The following PLPP3 variants were observed in gnomAD, a reference collection of about 807,000 sequenced individuals.
PLPP3 encodes phospholipid phosphatase 3.
In PLPP3, 6 loss-of-function variants were observed where a neutral mutation model predicts 29.6. The ratio of observed to expected loss-of-function variants is 0.20; its 90% CI spans 0.11 to 0.40. The LOEUF (loss-of-function observed/expected upper bound fraction) is 0.40, where lower values mean the gene tolerates loss of function less well. Among genes scored for constraint, PLPP3 ranks in the 10% least tolerant of loss-of-function variants. PLPP3 has a pLI of 1.00. For synonymous variants in PLPP3, 152 were observed against 159.7 expected, an observed-to-expected ratio of 0.95 and a Z score of 0.36; for missense variants, 308 against 407.7, an observed-to-expected ratio of 0.76 and a Z score of 2.11.
intron 1 of PLPP3, among the ~76,000 whole-genome samples, chr1:56,574,475 G>A (rs775790282): frequency 5.3e-5 from 8 of 151,976 alleles, no homozygotes; most frequent in African/African-American, 1.2e-4. Flanking sequence ...AGCTGATCTC[G>A]AACTCCTTAG....
intron 2 of PLPP3, among the ~76,000 whole-genome samples, chr1:56,526,559 T>C (rs1205180375): frequency 6.6e-6 from 1 of 152,188 alleles, no homozygotes; most frequent in Non-Finnish European, 1.5e-5. Flanking sequence ...TCTCTTAATC[T>C]TTTTTATTCT....
intron 1 of PLPP3, among the ~76,000 whole-genome samples, chr1:56,578,354 G>A (rs891038346): frequency 1.3e-5 from 2 of 152,186 alleles, no homozygotes; most frequent in African/African-American, 4.8e-5. Flanking sequence ...CAGGAGAGGA[G>A]CAAGTGAAAA....
intron 1 of PLPP3, chr1:56,538,466 G>A: frequency 2.2e-6 from 1 of 449,650 alleles, no homozygotes; most frequent in Non-Finnish European, 4.4e-6. Context: ...CAAACACAAA[G>A]GGAAAGAGGA....
At position 56,579,206 on chromosome 1, in the gene PLPP3, G is replaced by A; in HGVS notation, c.-190C>T. ...CCAACTGCAGAAGGTGGTGTTTTCT[G>A]CTCCTCCTGCGCGCCTCTGCTTTCC... On this transcript the variant is annotated 5_prime_UTR_variant, in exon 1 of 6. Transcript: ENST00000371250. 2 of 633,318 alleles carry A rather than the reference G, an allele frequency of 3.2e-6. No individual in the cohort carries two copies. Among genetic ancestry groups the A allele is most frequent in the Non-Finnish European group, 5.1e-6 (2 of 392,850 alleles). 39.2% of individuals were successfully genotyped at this position (633,318 alleles called of 1,614,324 possible).
intron 1 of PLPP3, among the ~76,000 whole-genome samples, chr1:56,543,850 G>GT (rs1645985360): frequency 6.6e-6 from 1 of 152,176 alleles, no homozygotes; most frequent in East Asian, 1.9e-4. Flanking sequence ...AAAGAAGACT[G>GT]TTGGAACCAA....
chr1:56,496,642 G>T lies in PLPP3; in HGVS notation c.845C>A (p.Thr282Lys), dbSNP rs17850456. 1.6e-5 allele frequency: 26 copies of T among 1,613,654 alleles called. No homozygotes were observed. The highest frequency in any genetic ancestry group is 2.1e-5 in the Non-Finnish European group (25 of 1,179,842). ...AGCAGGGGCAGGCAGGGAGAGCGTC[G>T]TCTTAGTCTTGAAGAGGTCAGACAC... ...FFVSDLFKTK[T>K]TLSLPAPAIR... Residue 282 changes from threonine (T) to lysine (K), a missense_variant, in exon 6 of 6, where the codon ACG (threonine) becomes AAG (lysine). Thr to Lys is a moderately conservative substitution (Grantham distance 78, BLOSUM62 -1). Coordinates refer to ENST00000371250, the MANE Select transcript of PLPP3 (RefSeq NM_003713.5).
intron 5 of PLPP3, among the ~76,000 whole-genome samples, chr1:56,503,386 A>T (rs958207408): frequency 6.6e-6 from 1 of 152,136 alleles, no homozygotes; most frequent in Non-Finnish European, 1.5e-5. Flanking sequence ...TTGTGTGGAA[A>T]TGTTATTTTT....
intron 1 of PLPP3, 103 bp from the exon 2 acceptor site, chr1:56,537,215 T>C: frequency 8.0e-7 from 1 of 1,256,650 alleles, no homozygotes; most frequent in Non-Finnish European, 1.1e-6. Context: ...CCATCCCAAA[T>C]ATCACTGAGA....
At chr1:56,506,439 A>C (rs928354745) in intron 5 of PLPP3, among the ~76,000 whole-genome samples, 2 of 152,160 alleles carry the variant, frequency 1.3e-5, no homozygotes, top group Admixed American at 6.5e-5. Context: ...CATCTGGAGG[A>C]AGATAGCAGC....
chr1:56,550,789 A>G (rs1646032888), intron 1 of PLPP3, among the ~76,000 whole-genome samples: 1 of 150,748 alleles, frequency 6.6e-6, no homozygotes, highest in African/African-American at 2.4e-5. Context: ...CCCCTTCACC[A>G]TGGTATTGCC....
At chr1:56,567,536 T>C (rs900298906) in intron 1 of PLPP3, among the ~76,000 whole-genome samples, 1 of 151,798 alleles carries the variant, frequency 6.6e-6, no homozygotes, top group Non-Finnish European at 1.5e-5. Flanking sequence ...TAGCTGGGAC[T>C]ACAGGTACCC....
At chr1:56,498,796 G>A (rs908276103) in intron 5 of PLPP3, among the ~76,000 whole-genome samples, 1 of 152,038 alleles carries the variant, frequency 6.6e-6, no homozygotes, top group African/African-American at 2.4e-5. Context: ...ACTATGCCTG[G>A]CTAATTTTTA....
intron 1 of PLPP3, among the ~76,000 whole-genome samples, chr1:56,551,197 A>G (rs1400578599): frequency 6.6e-6 from 1 of 152,180 alleles, no homozygotes; most frequent in Non-Finnish European, 1.5e-5. Flanking sequence ...CCTTGCGCAC[A>G]ATGTGAACTG....
At chr1:56,516,729 T>G (rs887238912) in intron 4 of PLPP3, among the ~76,000 whole-genome samples, 5 of 151,598 alleles carry the variant, frequency 3.3e-5, no homozygotes, top group African/African-American at 1.2e-4. Flanking sequence ...GTACAGCTTG[T>G]ATATAATCTT....
At chr1:56,521,431 T>A (rs1327470174) in intron 4 of PLPP3, among the ~76,000 whole-genome samples, 1 of 152,124 alleles carries the variant, frequency 6.6e-6, no homozygotes, top group Non-Finnish European at 1.5e-5. Flanking sequence ...GAGCTGTGTA[T>A]ATATATGTTG....
chr1:56,509,437 G>A (rs1569866549), intron 5 of PLPP3, among the ~76,000 whole-genome samples: 1 of 152,166 alleles, frequency 6.6e-6, no homozygotes, highest in Admixed American at 6.5e-5. Flanking sequence ...CATGAGAATC[G>A]TGGTGCAGCT....
At chr1:56,520,570 G>A (rs1645811667) in intron 4 of PLPP3, among the ~76,000 whole-genome samples, 1 of 152,000 alleles carries the variant, frequency 6.6e-6, no homozygotes, top group Non-Finnish European at 1.5e-5. Context: ...TCTTTAGAAA[G>A]TTTTGCAAAT....
intron 1 of PLPP3, among the ~76,000 whole-genome samples, chr1:56,545,039 A>T (rs10888979): frequency 0.17 from 25,128 of 152,234 alleles, 3,196 homozygotes; most frequent in East Asian, 0.49. Context: ...CATCTGAATT[A>T]AAACAACTCC....
At position 56,579,423 on chromosome 1, in the gene PLPP3, T is replaced by G; in HGVS notation, c.-407A>C. 1 of 208,948 alleles carries G rather than the reference T, an allele frequency of 4.8e-6. No homozygotes were observed. Among genetic ancestry groups the G allele is most frequent in the East Asian group, 1.8e-4 (1 of 5,498 alleles). 12.9% of individuals were successfully genotyped at this position (208,948 alleles called of 1,614,324 possible). ...GTTCCTTAATGAATGGGAGCTGCGC[T>G]GAGCCCAGCAACTCCGGAGCGCCAG... On this transcript the variant is annotated 5_prime_UTR_variant, in exon 1 of 6. Coordinates refer to ENST00000371250, the MANE Select transcript of PLPP3 (RefSeq NM_003713.5).
Sources: gnomAD v4.1 joint callset for allele counts (sites outside exome capture counted in the v4.1 genomes callset) on GRCh38, gnomAD v4.1.1 for gene constraint, MANE v1.5 for transcripts, NCBI Gene and HGNC (gene_info 2026-07-23, HGNC 2026-07-21) for gene names.